Variants in STK32A observed in about 807,000 individuals in gnomAD.
The protein encoded by STK32A is serine/threonine kinase 32A.
Under a neutral mutation model 53.2 loss-of-function variants are expected in STK32A, and 41 were observed. That is an observed-to-expected ratio of 0.77 (90% CI 0.60 to 1.00). The LOEUF is 1.00. Ranked by LOEUF, STK32A falls within the 50% of genes least tolerant of loss-of-function variation. STK32A has a pLI of 0.00. For synonymous variants in STK32A, 166 were observed against 162.8 expected (o/e 1.02, Z -0.15); for missense variants, 458 against 485.8 (o/e 0.94, Z 0.54).
intron 4 of STK32A, among the ~76,000 whole-genome samples, chr5:147,287,325 A>G (rs1395367059): frequency 6.6e-6 from 1 of 152,212 alleles, no homozygotes; most frequent in Non-Finnish European, 1.5e-5. Context: ...AAGCTAATTC[A>G]GGATGACTGT....
intron 4 of STK32A, among the ~76,000 whole-genome samples, chr5:147,280,163 T>C (rs190739807): frequency 2.0e-5 from 3 of 151,896 alleles, no homozygotes; most frequent in African/African-American, 4.8e-5. Context: ...AGGGATCCAA[T>C]GGGAGAGGAG....
chr5:147,287,787 T>TA (rs1263971965), intron 4 of STK32A, among the ~76,000 whole-genome samples: 1 of 152,142 alleles, frequency 6.6e-6, no homozygotes, highest in Non-Finnish European at 1.5e-5. Flanking sequence ...AATGACAAGA[T>TA]ACTGTCACTT....
intron 2 of STK32A, among the ~76,000 whole-genome samples, chr5:147,273,436 G>C (rs753133412): frequency 1.3e-5 from 2 of 152,164 alleles, no homozygotes; most frequent in Admixed American, 6.5e-5. Context: ...GAGAAAGGTG[G>C]ATATTGAATT....
At chr5:147,375,047 T>C (rs1276313054) in intron 10 of STK32A, 43 bp from the exon 11 acceptor site, 3 of 1,552,402 alleles carry the variant, frequency 1.9e-6, no homozygotes, top group African/African-American at 2.8e-5. Flanking sequence ...TTTTTCAGAA[T>C]GATACAGTAA....
At chr5:147,356,523 C>T (rs1379364269) in intron 7 of STK32A, among the ~76,000 whole-genome samples, 1 of 152,024 alleles carries the variant, frequency 6.6e-6, no homozygotes, top group Non-Finnish European at 1.5e-5. Flanking sequence ...GATGCCAGAG[C>T]CCTAACTCTT....
chr5:147,354,550 A>G (rs10039739), intron 7 of STK32A, among the ~76,000 whole-genome samples: 30,705 of 152,234 alleles, frequency 0.2, 3,592 homozygotes, highest in African/African-American at 0.31. Context: ...CTTGTAATTA[A>G]CAATGACTAA....
At chr5:147,389,535 T>C (rs902793601), downstream of STK32A, among the ~76,000 whole-genome samples, 17 of 152,180 alleles carry the variant, frequency 1.1e-4, no homozygotes, top group Admixed American at 3.9e-4. Context: ...CTGAGGTTAC[T>C]AAGCAGGTGA....
At chr5:147,382,709 G>A (rs565500748) in intron 11 of STK32A, among the ~76,000 whole-genome samples, 1 of 151,974 alleles carries the variant, frequency 6.6e-6, no homozygotes, top group Admixed American at 6.6e-5. Flanking sequence ...ACCCTTCCCT[G>A]GTCATGTGCA....
At chr5:147,301,069 G>A (rs560717520) in intron 4 of STK32A, among the ~76,000 whole-genome samples, 2 of 152,298 alleles carry the variant, frequency 1.3e-5, no homozygotes, top group East Asian at 3.9e-4. Flanking sequence ...ACAGAAAGGG[G>A]TAGATGGTTG....
chr5:147,297,238 G>A (rs766657307), intron 4 of STK32A, among the ~76,000 whole-genome samples: 5 of 152,186 alleles, frequency 3.3e-5, no homozygotes, highest in South Asian at 2.1e-4. Flanking sequence ...CTGTCCAGCC[G>A]TATTTTCAAG....
intron 4 of STK32A, among the ~76,000 whole-genome samples, chr5:147,287,147 T>A (rs1295863911): frequency 6.6e-6 from 1 of 152,198 alleles, no homozygotes; most frequent in African/African-American, 2.4e-5. Context: ...ATTAAGTGAC[T>A]GTGATCTGCG....
intron 4 of STK32A, among the ~76,000 whole-genome samples, chr5:147,307,349 AG>A (rs1482379349): frequency 6.6e-6 from 1 of 152,074 alleles, no homozygotes; most frequent in Admixed American, 6.6e-5. Context: ...GGCTGGGGAC[AG>A]TGACTCACGC....
chr5:147,341,286 T>C (rs2151987647), intron 5 of STK32A, among the ~76,000 whole-genome samples: 1 of 152,322 alleles, frequency 6.6e-6, no homozygotes, highest in East Asian at 1.9e-4. Flanking sequence ...TCTAGCTTTA[T>C]GGTGCAGAGA....
intron 2 of STK32A, among the ~76,000 whole-genome samples, chr5:147,266,839 CAT>C (rs1222133043): frequency 9.2e-5 from 14 of 152,028 alleles, no homozygotes; most frequent in Admixed American, 9.2e-4. Flanking sequence ...AGCCTGATAA[CAT>C]AGAGAAACCC....
In STK32A at chr5:147,262,889, T is replaced by C. The variant is rs922851172; in HGVS notation, c.53-15235T>C. Among the ~76,000 whole-genome samples, 15 of 152,192 alleles carry C rather than the reference T, an allele frequency of 9.9e-5. 1 individual carries two copies. Among genetic ancestry groups the C allele is most frequent in the African/African-American group, 3.4e-4 (14 of 41,444 alleles). On this transcript the variant is annotated intron_variant, in intron 2 of 12. Coordinates refer to ENST00000397936, the MANE Select transcript of STK32A (RefSeq NM_001112724.2). ...CCTCCAAAGACTCGGGAATTGGCAC[T>C]GTCACGTGCCTCTAGAGCTAGAGGT...
At chr5:147,302,910 CTT>C (rs1753209175) in intron 4 of STK32A, among the ~76,000 whole-genome samples, 1 of 151,792 alleles carries the variant, frequency 6.6e-6, no homozygotes, top group African/African-American at 2.4e-5. Flanking sequence ...CATAAACACT[CTT>C]TGTTTCTTTT....
intron 4 of STK32A, among the ~76,000 whole-genome samples, chr5:147,297,978 C>CAAA (rs60657537): frequency 0.37 from 50,521 of 135,546 alleles, 9,562 homozygotes; most frequent in South Asian, 0.47. Context: ...GACTCTGTCT[C>CAAA]AAAAAAAAAA....
At chr5:147,382,796 G>A (rs1276114947) in intron 11 of STK32A, 1 of 152,192 alleles carries the variant, frequency 6.6e-6, no homozygotes, top group Non-Finnish European at 1.5e-5. Flanking sequence ...CCAAAAGGAG[G>A]AAAGGAGAAA....
chr5:147,275,406 C>A (rs1561686072), intron 2 of STK32A, among the ~76,000 whole-genome samples: 1 of 151,994 alleles, frequency 6.6e-6, no homozygotes, highest in Non-Finnish European at 1.5e-5. Flanking sequence ...CAGATAACTG[C>A]AGCCTCAACC....
Sources: allele counts gnomAD v4.1 joint callset (sites outside exome capture counted in the v4.1 genomes callset), GRCh38; gene constraint gnomAD v4.1.1; transcripts MANE v1.5; gene names NCBI Gene and HGNC (gene_info 2026-07-23, HGNC 2026-07-21).